MED27: variants seen among roughly 807,000 people sequenced by gnomAD.
The protein encoded by MED27 is mediator complex subunit 27, also known as mediator of RNA polymerase II transcription subunit 27.
In MED27, 30 loss-of-function variants were observed where a neutral mutation model predicts 38.2. The observed-to-expected ratio is 0.79, with a 90% CI of 0.59 to 1.07. The LOEUF is 1.07. MED27 is among the 50% of genes least tolerant of loss of function. The pLI is 0.00. For missense variants in MED27, 289 were observed against 397.5 expected, an observed-to-expected ratio of 0.73 and a Z score of 2.32; for synonymous variants, 122 against 153.5, an observed-to-expected ratio of 0.79 and a Z score of 1.52.
chr9:131,978,856 T>A (rs1211934682), intron 3 of MED27, among the ~76,000 whole-genome samples: 1 of 152,254 alleles, frequency 6.6e-6, no homozygotes, highest in Non-Finnish European at 1.5e-5. Context: ...CAGGTTTCAA[T>A]TGTGTATGTA....
At chr9:131,932,401 G>A (rs34394297) in intron 4 of MED27, among the ~76,000 whole-genome samples, 1 of 145,408 alleles carries the variant, frequency 6.9e-6, no homozygotes, top group South Asian at 2.2e-4. Context: ...AAAGAGAGAA[G>A]ATACAAATAA....
At chr9:131,981,766 G>A (rs1831742334) in intron 3 of MED27, among the ~76,000 whole-genome samples, 1 of 152,228 alleles carries the variant, frequency 6.6e-6, no homozygotes, top group Non-Finnish European at 1.5e-5. Context: ...CCAGCAAGCG[G>A]AGCTCAGGGA....
At chr9:132,010,196 T>C (rs1832454845) in intron 3 of MED27, among the ~76,000 whole-genome samples, 1 of 152,216 alleles carries the variant, frequency 6.6e-6, no homozygotes, top group South Asian at 2.1e-4. Context: ...TTTATGGTTT[T>C]AGGTCTAACA....
At chr9:131,960,198 C>G (rs1423631020) in intron 3 of MED27, among the ~76,000 whole-genome samples, 1 of 152,126 alleles carries the variant, frequency 6.6e-6, no homozygotes, top group Non-Finnish European at 1.5e-5. Context: ...GAAATAGAAG[C>G]CAGGAATATA....
intron 3 of MED27, among the ~76,000 whole-genome samples, chr9:131,976,469 C>T (rs1005065103): frequency 6.6e-6 from 1 of 152,192 alleles, no homozygotes; most frequent in Admixed American, 6.5e-5. Context: ...AGTAGGTTAT[C>T]TTATTACTGA....
At chr9:131,998,382 A>G (rs1832142924) in intron 3 of MED27, among the ~76,000 whole-genome samples, 1 of 152,048 alleles carries the variant, frequency 6.6e-6, no homozygotes, top group African/African-American at 2.4e-5. Context: ...GCGGGAAACC[A>G]AGAAGTTCCA....
intron 2 of MED27, among the ~76,000 whole-genome samples, chr9:132,054,725 A>G (rs919125958): frequency 4.6e-5 from 7 of 152,108 alleles, no homozygotes; most frequent in Non-Finnish European, 1.0e-4. Context: ...TTTTCTTTAT[A>G]AATTCCCCAG....
intron 2 of MED27, among the ~76,000 whole-genome samples, chr9:132,071,840 C>G (rs1183213960): frequency 1.3e-5 from 2 of 151,338 alleles, no homozygotes; most frequent in Non-Finnish European, 1.5e-5. Flanking sequence ...CACACATACA[C>G]ACACCCCATG....
chr9:132,042,880 G>A (rs1003555875), intron 2 of MED27, among the ~76,000 whole-genome samples: 1 of 152,136 alleles, frequency 6.6e-6, no homozygotes, highest in Non-Finnish European at 1.5e-5. Flanking sequence ...AGGTGATCAC[G>A]TACCAATTAA....
chr9:132,056,678 C>T (rs1833584707), intron 2 of MED27, among the ~76,000 whole-genome samples: 1 of 152,192 alleles, frequency 6.6e-6, no homozygotes, highest in Admixed American at 6.5e-5. Flanking sequence ...AACTTCTCAA[C>T]TTTCACAGAT....
intron 2 of MED27, among the ~76,000 whole-genome samples, chr9:132,062,759 G>A (rs930370224): frequency 4.6e-5 from 7 of 151,906 alleles, no homozygotes; most frequent in African/African-American, 1.7e-4. Context: ...CTGGGACTTA[G>A]GATTATCACA....
chr9:131,878,126 T>C (rs1294140500), intron 6 of MED27, among the ~76,000 whole-genome samples: 1 of 151,764 alleles, frequency 6.6e-6, no homozygotes, highest in Non-Finnish European at 1.5e-5. Context: ...ATACAAAAAT[T>C]AGCTGGGTAT....
chr9:131,945,148 T>A (rs1207475673), intron 3 of MED27, among the ~76,000 whole-genome samples: 1 of 146,992 alleles, frequency 6.8e-6, no homozygotes, highest in Non-Finnish European at 1.5e-5. Flanking sequence ...TATAAAAAAT[T>A]TATATATATA....
intron 3 of MED27, among the ~76,000 whole-genome samples, chr9:131,960,821 C>T (rs774604359): frequency 6.6e-6 from 1 of 152,164 alleles, no homozygotes; most frequent in Non-Finnish European, 1.5e-5. Flanking sequence ...ACTCCTAAAA[C>T]ATGCAAATGG....
At chr9:131,965,431 T>C (rs1377027261) in intron 3 of MED27, among the ~76,000 whole-genome samples, 1 of 152,218 alleles carries the variant, frequency 6.6e-6, no homozygotes, top group East Asian at 1.9e-4. Flanking sequence ...CAGAGATGAT[T>C]TGGGGGTACT....
intron 3 of MED27, among the ~76,000 whole-genome samples, chr9:132,011,237 T>TA (rs1220388220): frequency 5.9e-5 from 9 of 151,996 alleles, no homozygotes; most frequent in Non-Finnish European, 1.0e-4. Flanking sequence ...TTTATTGCTT[T>TA]AAAAAAACTA....
intron 4 of MED27, among the ~76,000 whole-genome samples, chr9:131,911,302 A>G (rs1459103792): frequency 6.6e-6 from 1 of 152,222 alleles, no homozygotes; most frequent in Non-Finnish European, 1.5e-5. Flanking sequence ...TAAGATAGGT[A>G]TTGACACCAT....
At chr9:132,028,527 A>G (rs1832877709) in intron 2 of MED27, among the ~76,000 whole-genome samples, 1 of 152,066 alleles carries the variant, frequency 6.6e-6, no homozygotes, top group Admixed American at 6.5e-5. Flanking sequence ...AAAAAAATCC[A>G]AAGAGGTCTG....
intron 3 of MED27, among the ~76,000 whole-genome samples, chr9:131,973,210 T>C (rs1320776406): frequency 6.6e-6 from 1 of 152,184 alleles, no homozygotes; most frequent in African/African-American, 2.4e-5. Context: ...CCATTCCCTC[T>C]TTCCTCCTTA....
Sources: gnomAD v4.1 joint callset for allele counts (sites outside exome capture counted in the v4.1 genomes callset) on GRCh38, gnomAD v4.1.1 for gene constraint, MANE v1.5 for transcripts, NCBI Gene and HGNC (gene_info 2026-07-23, HGNC 2026-07-21) for gene names.